FDFT1: variants seen among roughly 807,000 people sequenced by gnomAD.
The protein encoded by FDFT1 is squalene synthase.
FDFT1 carries 68 observed loss-of-function variants against 46.8 expected under a neutral mutation model. The observed-to-expected ratio is 1.45, with a 90% CI of 1.19 to 1.78. The LOEUF is 1.78. FDFT1 is among the 40% of genes most tolerant of loss of function. The probability of loss-of-function intolerance (pLI) is 0.00; values close to 1 mark genes in which losing one functional copy is unlikely to be tolerated. For synonymous variants in FDFT1, 351 were observed against 185.1 expected, an observed-to-expected ratio of 1.90 and a Z score of -7.28; for missense variants, 928 against 524.4, an observed-to-expected ratio of 1.77 and a Z score of -7.52.
intron 4 of FDFT1, among the ~76,000 whole-genome samples, chr8:11,824,296 C>G (rs1809661943): frequency 6.6e-6 from 1 of 152,034 alleles, no homozygotes; most frequent in African/African-American, 2.4e-5. Context: ...AGGAGGACAG[C>G]TTTTGACAAA....
rs1055919538 is a variant in FDFT1 at position 11,839,154 on chromosome 8, T to A, written c.*545T>A. On this transcript the variant is annotated 3_prime_UTR_variant, in exon 8 of 8. Transcript: ENST00000220584. ...TTCCACACAAAGGCTGGGAATAAAA[T>A]TCTGGGTATTCTCGTATTCTCATTT... is the stretch of plus-strand genomic sequence containing the variant. 2.6e-5 allele frequency: 4 copies of A among 154,852 alleles called. No individual in the cohort carries two copies. The highest frequency in any genetic ancestry group is 9.6e-5 in the African/African-American group (4 of 41,564). 9.6% of individuals were successfully genotyped at this position (154,852 alleles called of 1,614,324 possible). A position where few individuals can be genotyped will look rare whatever the true frequency, so the allele number is the denominator to read the frequency against.
intron 1 of FDFT1, among the ~76,000 whole-genome samples, chr8:11,806,038 T>C (rs73547707): frequency 0.011 from 1,704 of 152,276 alleles, 24 homozygotes; most frequent in African/African-American, 0.037. Flanking sequence ...TTTCCCCTCC[T>C]GGAGAAATCT....
At chr8:11,831,485 C>A (rs560329946) in intron 6 of FDFT1, 33 bp from the exon 7 acceptor site, 11 of 1,598,654 alleles carry the variant, frequency 6.9e-6, no homozygotes, top group Non-Finnish European at 9.4e-6. Flanking sequence ...GACATCATTT[C>A]TTCTTTTTTC....
chr8:11,836,405 T>G (rs1025720266), intron 7 of FDFT1, among the ~76,000 whole-genome samples: 19 of 152,236 alleles, frequency 1.2e-4, no homozygotes, highest in Non-Finnish European at 2.4e-4. Flanking sequence ...TTCCTGCCCT[T>G]GGGCTTCTGA....
At chr8:11,797,456 T>C (rs1489891444), upstream of FDFT1, among the ~76,000 whole-genome samples, 5 of 151,914 alleles carry the variant, frequency 3.3e-5, no homozygotes, top group Non-Finnish European at 7.4e-5. Flanking sequence ...TGGAACCTTA[T>C]CTTACTCATC....
chr8:11,813,129 A>G (rs1366885181), intron 3 of FDFT1, among the ~76,000 whole-genome samples: 2 of 152,208 alleles, frequency 1.3e-5, no homozygotes, highest in African/African-American at 4.8e-5. Flanking sequence ...TTAAACATAG[A>G]AAAGGTATAG....
At chr8:11,820,117 T>TG (rs1490520317) in intron 3 of FDFT1, among the ~76,000 whole-genome samples, 1 of 152,184 alleles carries the variant, frequency 6.6e-6, no homozygotes, top group African/African-American at 2.4e-5. Context: ...GCAGGTCTGT[T>TG]GGAGTTGCTG....
intron 4 of FDFT1, among the ~76,000 whole-genome samples, chr8:11,822,926 T>G (rs1460290953): frequency 6.6e-6 from 1 of 152,240 alleles, no homozygotes; most frequent in Non-Finnish European, 1.5e-5. Flanking sequence ...TTTAGGTTGT[T>G]GAATAGAAGT....
At chr8:11,809,599 A>G in intron 2 of FDFT1, 68 bp from the exon 3 acceptor site, 1 of 1,469,996 alleles carries the variant, frequency 6.8e-7, no homozygotes, top group Non-Finnish European at 9.1e-7. Context: ...GCCAGGCACA[A>G]GTTATTTTAA....
upstream of FDFT1, among the ~76,000 whole-genome samples, chr8:11,800,673 G>T (rs564112417): frequency 2.0e-5 from 3 of 152,348 alleles, no homozygotes; most frequent in Admixed American, 2.0e-4. Flanking sequence ...TAAATTGTGA[G>T]AGCTAAGAAC....
At chr8:11,816,696 T>G (rs564055636) in intron 3 of FDFT1, among the ~76,000 whole-genome samples, 20 of 152,340 alleles carry the variant, frequency 1.3e-4, no homozygotes, top group Non-Finnish European at 2.6e-4. Flanking sequence ...TAGGAATGCT[T>G]GAGATTTTTT....
Position 11,838,438 on chromosome 8 carries a change from G to A in FDFT1, c.1083G>A (p.Gln361=). The A allele has an allele frequency of 6.2e-7, 1 of 1,611,882 alleles. No individual in the cohort carries two copies. Among genetic ancestry groups the A allele is most frequent in the Middle Eastern group, 1.7e-4 (1 of 6,044 alleles). ...DSDPSSSKTR[Q]IISTIRTQNL... is the part of the protein sequence containing the mutation. The stretch of plus-strand genomic sequence containing the variant: ...ACCCATCTTCTAGCAAAACAAGGCA[G>A]ATCATCTCCACCATCCGGACGCAGA... The change falls in exon 8 of 8, where the codon CAG becomes CAA. Residue 361 remains glutamine (Q), a synonymous_variant. Transcript: ENST00000220584.
At chr8:11,797,849 A>G (rs902930538), upstream of FDFT1, 2 of 152,192 alleles carry the variant, frequency 1.3e-5, no homozygotes, top group African/African-American at 2.4e-5. Flanking sequence ...GAAGTACTGT[A>G]GCCTGTTCGG....
At chr8:11,796,928 G>A (rs1285486392) in intron 1 of FDFT1, among the ~76,000 whole-genome samples, 1 of 152,258 alleles carries the variant, frequency 6.6e-6, no homozygotes, top group Non-Finnish European at 1.5e-5. Flanking sequence ...GGGCTGCTCC[G>A]CAGGCAGTGT....
chr8:11,809,476 G>C lies in FDFT1; in HGVS notation c.198-191G>C, dbSNP rs187856994. 1.9e-5 allele frequency: 25 copies of C among 1,322,430 alleles called. 1 individual carries two copies. In the Admixed American group the frequency reaches 6.8e-4, roughly 36 times the overall value. 81.9% of individuals were successfully genotyped at this position (1,322,430 alleles called of 1,614,324 possible). On this transcript the variant is annotated intron_variant, in intron 2 of 7. Transcript: ENST00000220584. ...GTAGGCTTTTTAATAAACTACAGAAGTTCATTACTCTCATGTAAGGAAGGA... is the reference window on the plus strand; with the variant it reads ...GTAGGCTTTTTAATAAACTACAGAACTTCATTACTCTCATGTAAGGAAGGA...
At chr8:11,812,580 G>C (rs1266481858) in intron 3 of FDFT1, among the ~76,000 whole-genome samples, 1 of 152,192 alleles carries the variant, frequency 6.6e-6, no homozygotes, top group Non-Finnish European at 1.5e-5. Context: ...GAATCAACCA[G>C]GTTGTTACAA....
chr8:11,796,006 T>G (rs572885286), exon 1 of FDFT1: 1 of 152,338 alleles, frequency 6.6e-6, no homozygotes, highest in Non-Finnish European at 1.5e-5. Context: ...CTCGACAGAC[T>G]CTAAGGTGAA....
At position 11,830,340 on chromosome 8, in the gene FDFT1, C is replaced by A; in HGVS notation, c.799C>A (p.Leu267Met). 6.2e-7 allele frequency: 1 copy of A among 1,613,808 alleles called. No individual in the cohort carries two copies. Among genetic ancestry groups the A allele is most frequent in the East Asian group, 2.2e-5 (1 of 44,886 alleles). The change falls in exon 6 of 8, where the codon CTG becomes ATG. Residue 267 changes from leucine (L) to methionine (M), a missense_variant. Coordinates refer to ENST00000220584, the MANE Select transcript of FDFT1 (RefSeq NM_004462.5). ...QCLNELITNA[L>M]HHIPDVITYL... ...CCTGAATGAACTTATAACCAATGCA[C>A]TGCACCACATCCCAGATGTCATCAC...
chr8:11,838,333 CCA>C, intron 7 of FDFT1, 53 bp from the exon 8 acceptor site: 3 of 1,362,812 alleles, frequency 2.2e-6, no homozygotes, highest in Non-Finnish European at 2.1e-6. Context: ...TTGTAAGTAG[CCA>C]TGGAAAATGT....
Sources: gnomAD v4.1 joint callset for allele counts (sites outside exome capture counted in the v4.1 genomes callset) on GRCh38, gnomAD v4.1.1 for gene constraint, MANE v1.5 for transcripts, NCBI Gene and HGNC (gene_info 2026-07-23, HGNC 2026-07-21) for gene names.